The following MIB1 variants were observed in gnomAD, a reference collection of about 807,000 sequenced individuals.
The protein encoded by MIB1 is MIB E3 ubiquitin protein ligase 1.
MIB1 carries 278 observed loss-of-function variants against 124.5 expected under a neutral mutation model. The ratio of observed to expected loss-of-function variants is 2.23; its 90% CI spans 2.02 to 2.47. The LOEUF (loss-of-function observed/expected upper bound fraction) is 2.47, where lower values mean the gene tolerates loss of function less well. MIB1 is among the 30% of genes most tolerant of loss of function. The pLI is 0.00. For missense variants in MIB1, 957 were observed against 1,254.4 expected (o/e 0.76, Z 3.58); for synonymous variants, 446 against 429.4 (o/e 1.04, Z -0.48).
chr18:21,857,368 G>T, intron 19 of MIB1, 125 bp downstream of exon 19: 3 of 651,162 alleles, frequency 4.6e-6, no homozygotes, highest in Non-Finnish European at 8.3e-6. Flanking sequence ...GATCCACAGT[G>T]GAACAGGTAT....
intron 14 of MIB1, 117 bp from the exon 15 acceptor site, chr18:21,843,975 T>G: frequency 1.1e-6 from 1 of 926,238 alleles, no homozygotes; most frequent in South Asian, 1.8e-5. Flanking sequence ...TAAAAATGAT[T>G]AGCTTTAGTG....
At chr18:21,847,569 A>G (rs113682047) in intron 16 of MIB1, among the ~76,000 whole-genome samples, 2,435 of 152,276 alleles carry the variant, frequency 0.016, 38 homozygotes, top group East Asian at 0.069. Context: ...GGCTCAAGCA[A>G]TCCTCTTGCT....
intron 1 of MIB1, among the ~76,000 whole-genome samples, chr18:21,755,654 C>G (rs960942957): frequency 5.3e-5 from 8 of 152,110 alleles, no homozygotes; most frequent in Non-Finnish European, 1.2e-4. Context: ...GGAACACAAC[C>G]AAGATAAGGT....
chr18:21,810,933 G>T (rs2041766434), intron 10 of MIB1, among the ~76,000 whole-genome samples: 1 of 151,994 alleles, frequency 6.6e-6, no homozygotes, highest in African/African-American at 2.4e-5. Context: ...TTTGTCAACA[G>T]AGAGAAAAAG....
intron 1 of MIB1, among the ~76,000 whole-genome samples, chr18:21,719,056 C>A (rs112003024): frequency 1.3e-5 from 2 of 151,924 alleles, no homozygotes; most frequent in African/African-American, 4.8e-5. Context: ...GGAGTGGTGG[C>A]GCATGCCTGT....
intron 1 of MIB1, among the ~76,000 whole-genome samples, chr18:21,725,055 A>G (rs1280158210): frequency 6.9e-6 from 1 of 144,048 alleles, no homozygotes; most frequent in Non-Finnish European, 1.5e-5. Context: ...AGATTGTGCC[A>G]CTGCACTCCA....
At position 21,849,197 on chromosome 18, in the gene MIB1, G is replaced by A; in HGVS notation, c.2395G>A (p.Gly799Ser). Residue 799 changes from glycine to serine, a missense_variant and splice_region_variant, in exon 17 of 21, where the codon GGT (glycine) becomes AGT (serine). Coordinates refer to ENST00000261537, the MANE Select transcript of MIB1 (RefSeq NM_020774.4). ...ATTTGAAATACTTTCTTTTATTAGT[G>A]GTCAAGTGGGTTCTCGGAGTCCTTC... is the stretch of plus-strand genomic sequence containing the variant. ...LAKCHKEKVSGQVGSRSPSMI... is the reference protein window; with the variant it reads ...LAKCHKEKVSSQVGSRSPSMI... 1 of 1,538,972 alleles carries A rather than the reference G, an allele frequency of 6.5e-7. No homozygotes were observed. The highest frequency in any genetic ancestry group is 8.8e-7 in the Non-Finnish European group (1 of 1,141,844).
chr18:21,736,408 G>A (rs545760799), upstream of MIB1, among the ~76,000 whole-genome samples: 1 of 152,210 alleles, frequency 6.6e-6, no homozygotes, highest in Non-Finnish European at 1.5e-5. Context: ...GAGATGGGGA[G>A]AAACCAGCAC....
chr18:21,798,599 T>G (rs2041613483), intron 8 of MIB1, among the ~76,000 whole-genome samples: 1 of 152,152 alleles, frequency 6.6e-6, no homozygotes, highest in Non-Finnish European at 1.5e-5. Context: ...TCTTTATTTT[T>G]TCTGTATTTC....
At position 21,865,454 on chromosome 18, in the gene MIB1, A is replaced by G. The variant is rs1012604131; in HGVS notation, c.*788A>G. ...ACAGTTGCCTTTCTTACATTAATTT[A>G]TACACTATTTTGTTCAGCCAGTGTT... On this transcript the variant is annotated 3_prime_UTR_variant, in exon 21 of 21. Transcript: ENST00000261537. 2 of 152,060 alleles carry G rather than the reference A, an allele frequency of 1.3e-5. No homozygotes were observed. The highest frequency in any genetic ancestry group is 2.9e-5 in the Non-Finnish European group (2 of 67,990). The allele number at this position is 152,060 out of a possible 1,614,324, so 9.4% of individuals were successfully genotyped here.
intron 13 of MIB1, among the ~76,000 whole-genome samples, chr18:21,842,396 G>C (rs549149045): frequency 2.6e-5 from 4 of 152,054 alleles, no homozygotes; most frequent in Non-Finnish European, 5.9e-5. Flanking sequence ...ATTTTCATAT[G>C]TTATTTTACT....
intron 17 of MIB1, among the ~76,000 whole-genome samples, chr18:21,851,771 G>A (rs1946720430): frequency 6.6e-6 from 1 of 152,174 alleles, no homozygotes; most frequent in South Asian, 2.1e-4. Flanking sequence ...CCGGCTATAT[G>A]TACAGACATT....
At chr18:21,844,313 A>C (rs113837892) in intron 15 of MIB1, 60 bp downstream of exon 15, 23 of 1,509,384 alleles carry the variant, frequency 1.5e-5, no homozygotes, top group Non-Finnish European at 1.9e-5. Flanking sequence ...GCAAGATCTT[A>C]TATTTACTGG....
Position 21,867,118 on chromosome 18 carries a change from C to T in MIB1, c.*2452C>T, listed in dbSNP as rs148487055. On this transcript the variant is annotated 3_prime_UTR_variant, in exon 21 of 21. Transcript: ENST00000261537. ...TTTATAAAAAAGAAAAAAACTGACA[C>T]GCATTCATTCAAAAAAGTATTTATT... 5.9e-5 allele frequency: 9 copies of T among 152,594 alleles called. No homozygotes were observed. Among genetic ancestry groups the T allele is most frequent in the African/African-American group, 1.7e-4 (7 of 41,534 alleles). 9.5% of individuals were successfully genotyped at this position (152,594 alleles called of 1,614,324 possible).
intron 5 of MIB1, among the ~76,000 whole-genome samples, chr18:21,779,249 C>T (rs545423441): frequency 2.6e-5 from 4 of 152,248 alleles, no homozygotes; most frequent in South Asian, 4.1e-4. Flanking sequence ...TACTTTTACT[C>T]AGTCTTTGTT....
chr18:21,806,619 TTTTTTG>T (rs896583801), intron 10 of MIB1, among the ~76,000 whole-genome samples: 16 of 150,978 alleles, frequency 1.1e-4, no homozygotes, highest in Admixed American at 2.0e-4. Context: ...TAGTTTTTTG[TTTTTTG>T]TTTTTTTTTT....
chr18:21,806,683 G>A (rs964562270), intron 10 of MIB1, among the ~76,000 whole-genome samples: 6 of 150,842 alleles, frequency 4.0e-5, no homozygotes, highest in African/African-American at 1.5e-4. Flanking sequence ...TGTAGTAGTA[G>A]CGCGATCTTG....
intron 3 of MIB1, 32 bp downstream of exon 3, chr18:21,768,784 C>G (rs1384122130): frequency 1.9e-6 from 3 of 1,579,938 alleles, no homozygotes; most frequent in Non-Finnish European, 1.7e-6. Flanking sequence ...ATTATGTATT[C>G]TAGAGTATTA....
At chr18:21,810,718 T>C (rs2041763317) in intron 10 of MIB1, among the ~76,000 whole-genome samples, 1 of 151,698 alleles carries the variant, frequency 6.6e-6, no homozygotes, top group Non-Finnish European at 1.5e-5. Context: ...CCTAACACTA[T>C]ATACAAAAAT....
Sources: gnomAD v4.1 joint callset for allele counts (sites outside exome capture counted in the v4.1 genomes callset) on GRCh38, gnomAD v4.1.1 for gene constraint, MANE v1.5 for transcripts, NCBI Gene and HGNC (gene_info 2026-07-23, HGNC 2026-07-21) for gene names.